KNL1: variants seen among roughly 807,000 people sequenced by gnomAD.
KNL1 encodes the protein outer kinetochore KNL1 complex subunit KNL1.
KNL1 carries 66 observed loss-of-function variants against 201.3 expected under a neutral mutation model. That is an observed-to-expected ratio of 0.33 (90% CI 0.27 to 0.40). The LOEUF is 0.40. Among genes scored for constraint, KNL1 ranks in the 10% least tolerant of loss-of-function variants. The pLI, the probability that KNL1 is intolerant of heterozygous loss-of-function variation, is 1.00. For missense variants in KNL1, 2,815 were observed against 2,690.5 expected, an observed-to-expected ratio of 1.05 and a Z score of -1.02; for synonymous variants, 895 against 899.2, an observed-to-expected ratio of 1.00 and a Z score of 0.08.
chr15:40,642,702 A>G (rs1396247260), intron 14 of KNL1, among the ~76,000 whole-genome samples: 1 of 152,126 alleles, frequency 6.6e-6, no homozygotes, highest in East Asian at 1.9e-4. Context: ...ATCTCGGCTC[A>G]CTGCAAGCGC....
In KNL1 at chr15:40,622,905, G is replaced by C. The variant is rs948391984; in HGVS notation, c.2641G>C (p.Glu881Gln). The C allele has an allele frequency of 1.2e-6, 2 of 1,612,474 alleles. No individual in the cohort carries two copies. Among genetic ancestry groups the C allele is most frequent in the Non-Finnish European group, 1.7e-6 (2 of 1,179,164 alleles). ...GGATATCACTAAGAGTTATACAATAGAAATAAACCATAGACCTTTATTAGA... is the reference window on the plus strand; with the variant it reads ...GGATATCACTAAGAGTTATACAATACAAATAAACCATAGACCTTTATTAGA... Reference protein sequence around the residue: ...DMDITKSYTIEINHRPLLEKR... With the variant: ...DMDITKSYTIQINHRPLLEKR... The change falls in exon 10 of 26, where the codon GAA becomes CAA. Residue 881 changes from glutamate (E) to glutamine (Q), a missense_variant. Physicochemically the swap from Glu to Gln is conservative, Grantham distance 29. This residue lies in a region of KNL1 where 2,464 missense variants were observed against 2,291.7 expected (regional missense o/e 1.08). Coordinates refer to ENST00000399668, the MANE Select transcript of KNL1 (RefSeq NM_144508.5).
In KNL1 at chr15:40,624,962, A is replaced by C; in HGVS notation, c.4698A>C (p.Gly1566=). The C allele has an allele frequency of 6.2e-7, 1 of 1,613,922 alleles. No individual in the cohort carries two copies. Among genetic ancestry groups the C allele is most frequent in the Non-Finnish European group, 8.5e-7 (1 of 1,179,952 alleles). Residue 1566 remains glycine, a synonymous_variant, in exon 10 of 26, where the codon GGA becomes GGC. Coordinates refer to ENST00000399668, the MANE Select transcript of KNL1 (RefSeq NM_144508.5). ...AACCAAATCTGAATAATTTGAATGG[A>C]AAAACTGGAGAGTTTTTAGCCTTTC... ...SIKPNLNNLN[G]KTGEFLAFQT... is the part of the protein sequence containing the mutation.
In KNL1 at chr15:40,615,332, A is replaced by G. The variant is rs774326595; in HGVS notation, c.285-9A>G. The G allele has an allele frequency of 1.5e-6, 1 of 670,942 alleles. No individual in the cohort carries two copies. The highest frequency in any genetic ancestry group is 2.5e-6 in the Non-Finnish European group (1 of 404,864). The allele number at this position is 670,942 out of a possible 1,614,324, so 41.6% of individuals were successfully genotyped here. A position where few individuals can be genotyped will look rare whatever the true frequency, so the allele number is the denominator to read the frequency against. Reference sequence around the variant, plus strand: ...GGTATAGATTATAAAAATACTTTTTAATTTTTAGGAATAAGAAATTAGAAG... The same window carrying G: ...GGTATAGATTATAAAAATACTTTTTGATTTTTAGGAATAAGAAATTAGAAG... On this transcript the variant is annotated splice_polypyrimidine_tract_variant and intron_variant, in intron 7 of 25. Coordinates refer to ENST00000399668, the MANE Select transcript of KNL1 (RefSeq NM_144508.5).
intron 14 of KNL1, among the ~76,000 whole-genome samples, chr15:40,643,636 G>A (rs958428551): frequency 6.6e-6 from 1 of 152,058 alleles, no homozygotes; most frequent in Admixed American, 6.6e-5. Context: ...CTGGCAACAG[G>A]GTGAGACTCC....
rs575892592 is a variant in KNL1, at chr15:40,627,383, G to A, written c.5377-687G>A. Among the ~76,000 whole-genome samples the A allele has an allele frequency of 7.2e-5, 11 of 152,058 alleles. No individual in the cohort carries two copies. In the East Asian group the frequency reaches 1.6e-3, roughly 22 times the overall value. On this transcript the variant is annotated intron_variant, in intron 10 of 25. Transcript: ENST00000399668. ...CAAAAAATTAGCCAGGCATGGTGGCGAGCACCTGTAGTTCCAGCTACTCAG... is the reference window on the plus strand; with the variant it reads ...CAAAAAATTAGCCAGGCATGGTGGCAAGCACCTGTAGTTCCAGCTACTCAG...
At chr15:40,603,890 T>C (rs972657654) in intron 2 of KNL1, among the ~76,000 whole-genome samples, 1 of 152,214 alleles carries the variant, frequency 6.6e-6, no homozygotes, top group African/African-American at 2.4e-5. Flanking sequence ...ATTTTTAGAA[T>C]GAGGGTAGTA....
intron 13 of KNL1, among the ~76,000 whole-genome samples, chr15:40,631,620 A>G (rs1181701458): frequency 6.6e-6 from 1 of 152,158 alleles, no homozygotes; most frequent in Non-Finnish European, 1.5e-5. Flanking sequence ...CAGCCAAGAT[A>G]TTAATACTCA....
At position 40,604,196 on chromosome 15, in the gene KNL1, TATCTCTTCAATTTAA is replaced by T. The variant is rs1447878486; in HGVS notation, c.36-913_36-899del. 1.5e-4 allele frequency among the ~76,000 whole-genome samples: 11 copies of T among 71,998 alleles called. 1 individual carries two copies. Among genetic ancestry groups the T allele is most frequent in the East Asian group, 1.3e-3 (6 of 4,476 alleles). 47.2% of individuals were successfully genotyped at this position (71,998 alleles called of 152,430 possible). A position where few individuals can be genotyped will look rare whatever the true frequency, so the allele number is the denominator to read the frequency against. On this transcript the variant is annotated intron_variant, in intron 2 of 25. Transcript: ENST00000399668. ...GAGAGGGACTTTAGATACTATCTCC[TATCTCTTCAATTTAA>T]GGATGAGAAAATTGAGAACCAGGAA...
At chr15:40,645,138 A>G in intron 15 of KNL1, 51 bp downstream of exon 15, 1 of 1,239,736 alleles carries the variant, frequency 8.1e-7, no homozygotes, top group Non-Finnish European at 1.2e-6. Flanking sequence ...ATTCTGAACG[A>G]TGTTTATTGT....
chr15:40,636,482 A>C (rs1391414426), intron 13 of KNL1, among the ~76,000 whole-genome samples: 2 of 152,164 alleles, frequency 1.3e-5, no homozygotes, highest in African/African-American at 4.8e-5. Context: ...CATATCAGAA[A>C]ATAGAGAATA....
intron 17 of KNL1, among the ~76,000 whole-genome samples, chr15:40,648,451 G>A (rs1893459527): frequency 6.6e-6 from 1 of 151,990 alleles, no homozygotes; most frequent in African/African-American, 2.4e-5. Flanking sequence ...TATATTCTCC[G>A]AGCTCAAAAA....
At chr15:40,648,439 A>G (rs1300829138) in intron 17 of KNL1, among the ~76,000 whole-genome samples, 3 of 127,268 alleles carry the variant, frequency 2.4e-5, no homozygotes, top group Non-Finnish European at 3.7e-5. Context: ...AATAAATTTA[A>G]ATATATTCTC....
At chr15:40,612,499 G>A (rs973564845) in intron 7 of KNL1, among the ~76,000 whole-genome samples, 1 of 151,060 alleles carries the variant, frequency 6.6e-6, no homozygotes, top group African/African-American at 2.4e-5. Context: ...CTCCAAAAAA[G>A]AGGTTTTTTT....
intron 13 of KNL1, among the ~76,000 whole-genome samples, chr15:40,632,271 T>C (rs902482493): frequency 7.2e-6 from 1 of 138,814 alleles, no homozygotes; most frequent in African/African-American, 2.7e-5. Flanking sequence ...AGCTAAAATA[T>C]AGAAGATTAA....
intron 1 of KNL1, 61 bp from the exon 2 acceptor site, chr15:40,602,854 C>G: frequency 1.1e-6 from 1 of 923,174 alleles, no homozygotes; most frequent in African/African-American, 1.7e-5. Flanking sequence ...TTAATCTTTT[C>G]TTAGACTGTA....
intron 8 of KNL1, chr15:40,615,865 A>G: frequency 6.6e-6 from 1 of 151,198 alleles, no homozygotes; most frequent in Non-Finnish European, 1.5e-5. Context: ...TCTGGTTTCA[A>G]GCAATTCTCC....
chr15:40,659,248 A>C, intron 24 of KNL1, 91 bp from the exon 25 acceptor site: 1 of 1,182,626 alleles, frequency 8.5e-7, no homozygotes, highest in South Asian at 1.4e-5. Flanking sequence ...TGGGCGATAG[A>C]GCAAGACTCC....
chr15:40,623,378 A>G lies in KNL1; in HGVS notation c.3114A>G (p.Lys1038=), dbSNP rs1892615812. The G allele has an allele frequency of 1.2e-6, 2 of 1,614,040 alleles. No homozygotes were observed. Among genetic ancestry groups the G allele is most frequent in the East Asian group, 4.5e-5 (2 of 44,880 alleles). ...TAGCTGATAACATGGAATTGTCTAAATCAGCCACTTGCAAAAACATCAAAG... is the reference window on the plus strand; with the variant it reads ...TAGCTGATAACATGGAATTGTCTAAGTCAGCCACTTGCAAAAACATCAAAG... ...VEVADNMELS[K]SATCKNIKDV... The change falls in exon 10 of 26, where the codon AAA becomes AAG. Residue 1038 remains lysine, a synonymous_variant. Transcript: ENST00000399668.
chr15:40,594,318 G>C lies in KNL1; in HGVS notation c.-92G>C, dbSNP rs1424703577. The C allele has an allele frequency of 6.6e-6, 1 of 152,278 alleles. No individual in the cohort carries two copies. Among genetic ancestry groups the C allele is most frequent in the East Asian group, 1.9e-4 (1 of 5,196 alleles). The allele number at this position is 152,278 out of a possible 1,614,324, so 9.4% of individuals were successfully genotyped here. A position where few individuals can be genotyped will look rare whatever the true frequency, so the allele number is the denominator to read the frequency against. ...CTGCTAGAGGCGGCTGTCTGTTTCC[G>C]CTCTAAGGAAACTCAGAGCGTGTGG... On this transcript the variant is annotated 5_prime_UTR_variant, in exon 1 of 26. Coordinates refer to ENST00000399668, the MANE Select transcript of KNL1 (RefSeq NM_144508.5).
Sources: gnomAD v4.1 joint callset for allele counts (sites outside exome capture counted in the v4.1 genomes callset) on GRCh38, gnomAD v4.1.1 for gene constraint, gnomAD v4.1.1 regional missense constraint, MANE v1.5 for transcripts, NCBI Gene and HGNC (gene_info 2026-07-23, HGNC 2026-07-21) for gene names.